The following DPP10 variants were observed in gnomAD, a reference collection of about 807,000 sequenced individuals.
The protein encoded by DPP10 is inactive dipeptidyl peptidase 10.
DPP10 carries 33 observed loss-of-function variants against 120.9 expected under a neutral mutation model. The observed-to-expected ratio is 0.27, with a 90% CI of 0.21 to 0.37. The LOEUF is 0.37. Among genes scored for constraint, DPP10 ranks in the 10% least tolerant of loss-of-function variants. DPP10 has a pLI of 1.00. For synonymous variants in DPP10, 337 were observed against 326.1 expected (o/e 1.03, Z -0.36); for missense variants, 816 against 942.8 (o/e 0.87, Z 1.76).
intron 1 of DPP10, among the ~76,000 whole-genome samples, chr2:114,547,454 C>CTT (rs942427596): frequency 2.0e-5 from 3 of 147,842 alleles, no homozygotes; most frequent in East Asian, 2.0e-4. Context: ...AAAGAAATAG[C>CTT]TTTTTTTTTT....
chr2:115,278,055 G>A (rs1190987652), intron 1 of DPP10, among the ~76,000 whole-genome samples: 1 of 152,154 alleles, frequency 6.6e-6, no homozygotes, highest in Non-Finnish European at 1.5e-5. Flanking sequence ...TTGGGAGACA[G>A]ATAGGCATGG....
At chr2:115,797,968 T>TATAC (rs1376538456) in intron 19 of DPP10, among the ~76,000 whole-genome samples, 5 of 151,172 alleles carry the variant, frequency 3.3e-5, no homozygotes, top group South Asian at 2.1e-4. Context: ...TATATATATA[T>TATAC]ACACACGTAT....
intron 1 of DPP10, among the ~76,000 whole-genome samples, chr2:114,458,591 T>C (rs1678706322): frequency 6.6e-6 from 1 of 152,226 alleles, no homozygotes; most frequent in Non-Finnish European, 1.5e-5. Context: ...CCTCAATTCA[T>C]ATTCCAGCTT....
intron 1 of DPP10, among the ~76,000 whole-genome samples, chr2:114,554,724 C>A (rs1290833577): frequency 6.6e-6 from 1 of 152,198 alleles, no homozygotes; most frequent in Admixed American, 6.5e-5. Context: ...CCATTCCGGG[C>A]TTTAACATCT....
chr2:115,720,751 A>C (rs2092629179), intron 7 of DPP10, among the ~76,000 whole-genome samples: 1 of 152,192 alleles, frequency 6.6e-6, no homozygotes, highest in Admixed American at 6.5e-5. Context: ...TTAAAAGACA[A>C]ATATTTAGTT....
At chr2:114,456,967 G>A (rs148663196) in intron 1 of DPP10, among the ~76,000 whole-genome samples, 3 of 152,176 alleles carry the variant, frequency 2.0e-5, no homozygotes, top group Admixed American at 1.3e-4. Flanking sequence ...ATGGACAAAT[G>A]TAGAAAACAG....
chr2:114,842,178 C>T (rs974828272), intron 1 of DPP10, among the ~76,000 whole-genome samples: 2 of 151,968 alleles, frequency 1.3e-5, no homozygotes, highest in African/African-American at 4.8e-5. Context: ...TCTGAAAGGA[C>T]CGGAGGTGAT....
intron 1 of DPP10, among the ~76,000 whole-genome samples, chr2:114,638,392 G>A (rs889954404): frequency 1.3e-5 from 2 of 151,620 alleles, no homozygotes; most frequent in African/African-American, 2.4e-5. Context: ...TACATCTAAC[G>A]AAGGACTAAA....
At chr2:115,758,683 A>G (rs1003648381) in intron 11 of DPP10, among the ~76,000 whole-genome samples, 1 of 152,168 alleles carries the variant, frequency 6.6e-6, no homozygotes, top group Admixed American at 6.6e-5. Flanking sequence ...AGTTAGCCCT[A>G]CCTGATTTCA....
At chr2:115,628,556 A>G (rs1030656550) in intron 5 of DPP10, among the ~76,000 whole-genome samples, 7 of 151,830 alleles carry the variant, frequency 4.6e-5, no homozygotes, top group African/African-American at 1.7e-4. Context: ...CTTTTGTTGT[A>G]ATTGTTTTGG....
rs577727233 is a variant in DPP10, at chr2:114,461,956, C to T, written c.60+19118C>T. The T allele has an allele frequency of 4.1e-5, 40 of 985,256 alleles. No individual in the cohort carries two copies. In the South Asian group the frequency reaches 1.5e-3, roughly 36 times the overall value. The allele number at this position is 985,256 out of a possible 1,614,324, so 61.0% of individuals were successfully genotyped here. On this transcript the variant is annotated intron_variant, in intron 1 of 25. Coordinates refer to ENST00000410059, the MANE Select transcript of DPP10 (RefSeq NM_020868.6). The stretch of plus-strand genomic sequence containing the variant: ...TAGGAGGTAGGAAATAATGAGGCCT[C>T]GACCATCTAAGATACAGAAGTCTCC...
intron 1 of DPP10, among the ~76,000 whole-genome samples, chr2:115,035,384 C>G (rs1704158822): frequency 6.6e-6 from 1 of 152,116 alleles, no homozygotes; most frequent in Non-Finnish European, 1.5e-5. Flanking sequence ...ATTGTTTCCA[C>G]AATATCATAT....
chr2:115,573,581 CTTTTTTTTTT>C (rs767336910), intron 5 of DPP10, among the ~76,000 whole-genome samples: 1 of 70,268 alleles, frequency 1.4e-5, no homozygotes, highest in African/African-American at 6.2e-5. Flanking sequence ...TGCGCCCGGC[CTTTTTTTTTT>C]TTTTTTTTTT....
At chr2:115,275,658 A>G (rs370448075) in intron 1 of DPP10, among the ~76,000 whole-genome samples, 22 of 150,402 alleles carry the variant, frequency 1.5e-4, no homozygotes, top group African/African-American at 4.9e-4. Flanking sequence ...CATGGGAACA[A>G]TTCTTCAGTT....
At chr2:115,685,924 A>G (rs2090962717) in intron 5 of DPP10, among the ~76,000 whole-genome samples, 1 of 152,040 alleles carries the variant, frequency 6.6e-6, no homozygotes, top group Admixed American at 6.6e-5. Context: ...TAAATTACAT[A>G]TATGCAAATT....
intron 1 of DPP10, among the ~76,000 whole-genome samples, chr2:114,755,135 T>G (rs1180382934): frequency 6.6e-6 from 1 of 152,194 alleles, no homozygotes; most frequent in African/African-American, 2.4e-5. Context: ...TTTAAACAAG[T>G]ATAAAGGAGA....
intron 1 of DPP10, among the ~76,000 whole-genome samples, chr2:114,785,558 C>T (rs547611601): frequency 2.6e-5 from 4 of 152,230 alleles, no homozygotes; most frequent in Admixed American, 6.5e-5. Flanking sequence ...GTGAACAGCT[C>T]GTTAAATTAG....
chr2:114,930,240 A>C (rs1201438871), intron 1 of DPP10, among the ~76,000 whole-genome samples: 1 of 152,212 alleles, frequency 6.6e-6, no homozygotes, highest in South Asian at 2.1e-4. Flanking sequence ...TCTCCTTAAA[A>C]TATTCTTCTC....
chr2:114,956,753 G>T (rs930345414), intron 1 of DPP10, among the ~76,000 whole-genome samples: 1 of 152,006 alleles, frequency 6.6e-6, no homozygotes, highest in African/African-American at 2.4e-5. Flanking sequence ...CAGACACATT[G>T]ACAAATGGAA....
Sources: allele counts gnomAD v4.1 joint callset (sites outside exome capture counted in the v4.1 genomes callset), GRCh38; gene constraint gnomAD v4.1.1; transcripts MANE v1.5; gene names NCBI Gene and HGNC (gene_info 2026-07-23, HGNC 2026-07-21).